The following RBFOX1 variants were observed in gnomAD, a reference collection of about 807,000 sequenced individuals.
RBFOX1 encodes RNA binding fox-1 homolog 1, also known as RNA binding protein fox-1 homolog 1.
In RBFOX1, 8 loss-of-function variants were observed where a neutral mutation model predicts 57.7. The ratio of observed to expected loss-of-function variants is 0.14; its 90% CI spans 0.08 to 0.25. The LOEUF (loss-of-function observed/expected upper bound fraction) is 0.25. Among genes scored for constraint, RBFOX1 ranks in the 10% least tolerant of loss-of-function variants. The pLI, the probability that RBFOX1 is intolerant of heterozygous loss-of-function variation, is 1.00. For synonymous variants in RBFOX1, 326 were observed against 222.4 expected, an observed-to-expected ratio of 1.47 and a Z score of -4.15; for missense variants, 611 against 548.5, an observed-to-expected ratio of 1.11 and a Z score of -1.14.
At chr16:6,894,950 A>T (rs886302313) in intron 3 of RBFOX1, among the ~76,000 whole-genome samples, 12 of 152,280 alleles carry the variant, frequency 7.9e-5, no homozygotes, top group African/African-American at 2.9e-4. Context: ...TTCTATCTAG[A>T]ATTTGCAACA....
intron 1 of RBFOX1, among the ~76,000 whole-genome samples, chr16:5,335,673 C>T (rs557811914): frequency 3.8e-4 from 58 of 152,040 alleles, no homozygotes; most frequent in Admixed American, 1.1e-3. Flanking sequence ...TGGAGTGGCA[C>T]GGTGTGGGGG....
At chr16:5,578,573 A>T (rs1354212909) in intron 2 of RBFOX1, among the ~76,000 whole-genome samples, 1 of 152,152 alleles carries the variant, frequency 6.6e-6, no homozygotes, top group African/African-American at 2.4e-5. Flanking sequence ...CTTCCTGCAA[A>T]CATTCCCACA....
chr16:6,363,122 T>C (rs28669201), intron 2 of RBFOX1, among the ~76,000 whole-genome samples: 16,652 of 152,260 alleles, frequency 0.11, 3,008 homozygotes, highest in African/African-American at 0.38. Context: ...TCTAGAGTTG[T>C]CTCTGCCTCA....
chr16:5,573,291 C>T (rs917301027), intron 2 of RBFOX1, among the ~76,000 whole-genome samples: 5 of 152,122 alleles, frequency 3.3e-5, no homozygotes, highest in African/African-American at 1.2e-4. Flanking sequence ...CCCACGGCCT[C>T]GGGTGGGAGG....
chr16:5,666,840 T>C (rs1333433847), intron 3 of RBFOX1, among the ~76,000 whole-genome samples: 1 of 152,210 alleles, frequency 6.6e-6, no homozygotes, highest in East Asian at 1.9e-4. Flanking sequence ...GGATTTTCAT[T>C]TGAGCCCCAG....
intron 4 of RBFOX1, among the ~76,000 whole-genome samples, chr16:7,337,182 A>G (rs1286521954): frequency 1.3e-5 from 2 of 152,152 alleles, no homozygotes; most frequent in African/African-American, 4.8e-5. Context: ...TGCGAGTGGT[A>G]TAGCTGGGAT....
chr16:5,856,327 C>G (rs1294694224), intron 3 of RBFOX1, among the ~76,000 whole-genome samples: 2 of 34,258 alleles, frequency 5.8e-5, no homozygotes, highest in Non-Finnish European at 1.3e-4. Context: ...ATAGGGAAAA[C>G]TGTTATATTA....
At chr16:5,984,592 G>A (rs567983406) in intron 4 of RBFOX1, among the ~76,000 whole-genome samples, 3 of 152,014 alleles carry the variant, frequency 2.0e-5, no homozygotes, top group African/African-American at 4.8e-5. Flanking sequence ...TGCACATTCT[G>A]GTATTATCTT....
chr16:6,834,986 A>G (rs11865606), intron 3 of RBFOX1, among the ~76,000 whole-genome samples: 78,348 of 150,176 alleles, frequency 0.52, 21,889 homozygotes, highest in East Asian at 0.87. Context: ...TTCATCTCCC[A>G]GGTTCACGCC....
chr16:5,547,135 C>G (rs1410668363), intron 2 of RBFOX1, among the ~76,000 whole-genome samples: 3 of 152,270 alleles, frequency 2.0e-5, no homozygotes, highest in African/African-American at 4.8e-5. Flanking sequence ...AGCTGGAACT[C>G]TCATACATTG....
intron 2 of RBFOX1, among the ~76,000 whole-genome samples, chr16:5,467,506 G>A (rs1396403893): frequency 2.6e-5 from 4 of 152,116 alleles, no homozygotes; most frequent in East Asian, 1.9e-4. Context: ...AGGGTTGAGG[G>A]GTAGGCAGGC....
chr16:5,572,058 A>C (rs192404356), intron 2 of RBFOX1, among the ~76,000 whole-genome samples: 1 of 152,184 alleles, frequency 6.6e-6, no homozygotes, highest in African/African-American at 2.4e-5. Context: ...CCTGACATAG[A>C]ACAAGCTCTG....
At chr16:6,983,898 C>T (rs974639889) in intron 3 of RBFOX1, among the ~76,000 whole-genome samples, 1 of 152,072 alleles carries the variant, frequency 6.6e-6, no homozygotes, top group Admixed American at 6.6e-5. Flanking sequence ...TTGTGTGACT[C>T]TTAGCATGTA....
intron 1 of RBFOX1, among the ~76,000 whole-genome samples, chr16:6,273,058 AAG>A (rs1432328489): frequency 6.6e-6 from 1 of 151,990 alleles, no homozygotes; most frequent in Non-Finnish European, 1.5e-5. Flanking sequence ...TCAGGAGTTC[AAG>A]ACCAGCCTGG....
intron 4 of RBFOX1, among the ~76,000 whole-genome samples, chr16:7,396,313 G>A (rs530607264): frequency 6.6e-6 from 1 of 152,280 alleles, no homozygotes; most frequent in African/African-American, 2.4e-5. Context: ...TGGCCCCTGA[G>A]CAACAGTGTA....
At chr16:7,165,303 C>T (rs2079191002) in intron 4 of RBFOX1, among the ~76,000 whole-genome samples, 1 of 151,372 alleles carries the variant, frequency 6.6e-6, no homozygotes, top group East Asian at 1.9e-4. Context: ...TGCTCACAAG[C>T]CATGCACCCT....
intron 1 of RBFOX1, among the ~76,000 whole-genome samples, chr16:5,358,058 C>T (rs1026023195): frequency 1.3e-5 from 2 of 152,218 alleles, no homozygotes; most frequent in Admixed American, 6.5e-5. Context: ...GCTTAGACTC[C>T]GAGACCAAGA....
intron 1 of RBFOX1, among the ~76,000 whole-genome samples, chr16:6,088,629 A>C (rs1339431781): frequency 6.6e-6 from 1 of 152,094 alleles, no homozygotes; most frequent in Non-Finnish European, 1.5e-5. Context: ...AGAATGGTGG[A>C]ATGCTTTCCT....
chr16:5,295,097 G>C (rs1407689631), intron 1 of RBFOX1, among the ~76,000 whole-genome samples: 1 of 148,970 alleles, frequency 6.7e-6, no homozygotes, highest in Non-Finnish European at 1.5e-5. Context: ...GAAAGCTCAC[G>C]ATGTCCTGGC....
Sources: gnomAD v4.1 joint callset for allele counts (sites outside exome capture counted in the v4.1 genomes callset) on GRCh38, gnomAD v4.1.1 for gene constraint, MANE v1.5 for transcripts, NCBI Gene and HGNC (gene_info 2026-07-23, HGNC 2026-07-21) for gene names.